The following FBXO34 variants were observed in gnomAD, a reference collection of about 807,000 sequenced individuals.
The protein encoded by FBXO34 is F-box protein 34, also known as F-box only protein 34.
Under a neutral mutation model 24.5 loss-of-function variants are expected in FBXO34, and 12 were observed. That is an observed-to-expected ratio of 0.49 (90% confidence interval 0.31 to 0.79). FBXO34 has a LOEUF of 0.79. FBXO34 is among the 30% of genes least tolerant of loss of function. The pLI is 0.04. For missense variants in FBXO34, 823 were observed against 857.7 expected, an observed-to-expected ratio of 0.96 and a Z score of 0.51; for synonymous variants, 320 against 311.9, an observed-to-expected ratio of 1.03 and a Z score of -0.27.
chr14:55,435,828 G>C, the FBXO34 span: 3 of 1,478,496 alleles, frequency 2.0e-6, no homozygotes. Flanking sequence ...TTATTGGAAG[G>C]AATACTGAGA....
the FBXO34 span, among the ~76,000 whole-genome samples, chr14:55,425,905 T>G: frequency 6.6e-6 from 1 of 152,224 alleles, no homozygotes; most frequent in Non-Finnish European, 1.5e-5. Context: ...TCCTAGCATC[T>G]GCTACATGGT....
chr14:55,367,370 A>G (rs1233517912), exon 3 of FBXO34: 1 of 152,270 alleles, frequency 6.6e-6, no homozygotes, highest in Non-Finnish European at 1.5e-5. Flanking sequence ...TACGAACTCC[A>G]GAACTGGATG....
At chr14:55,311,250 T>C (rs946009258) in intron 1 of FBXO34, among the ~76,000 whole-genome samples, 9 of 152,118 alleles carry the variant, frequency 5.9e-5, no homozygotes, top group Non-Finnish European at 1.2e-4. Flanking sequence ...TCAGATCTCG[T>C]GATAATTCAT....
the FBXO34 span, among the ~76,000 whole-genome samples, chr14:55,391,471 T>TAAAAAAAA: frequency 0.046 from 3,480 of 75,256 alleles, 71 homozygotes; most frequent in Non-Finnish European, 0.078. Flanking sequence ...TGAGACTCCA[T>TAAAAAAAA]AAAAAAAAAA....
intron 1 of FBXO34, among the ~76,000 whole-genome samples, chr14:55,336,373 G>A (rs1178975336): frequency 2.0e-5 from 3 of 152,188 alleles, no homozygotes; most frequent in Non-Finnish European, 4.4e-5. Flanking sequence ...ACAGCCTGGG[G>A]CTCAGTTGGG....
chr14:55,328,847 T>C (rs1270144614), intron 1 of FBXO34, among the ~76,000 whole-genome samples: 1 of 152,000 alleles, frequency 6.6e-6, no homozygotes, highest in Non-Finnish European at 1.5e-5. Context: ...TATGATAGGG[T>C]GTGTGTTTGA....
At chr14:55,331,858 G>T (rs12896021) in intron 1 of FBXO34, among the ~76,000 whole-genome samples, 21,956 of 22,180 alleles carry the variant, frequency 0.99, 10,972 homozygotes, top group Middle Eastern at 1. Flanking sequence ...TACACCACCG[G>T]GGTGTATATA....
the FBXO34 span, among the ~76,000 whole-genome samples, chr14:55,409,003 T>G: frequency 6.6e-6 from 1 of 152,204 alleles, no homozygotes; most frequent in Admixed American, 6.5e-5. Flanking sequence ...ATTATCTTAT[T>G]TACATTTCTA....
intron 1 of FBXO34, among the ~76,000 whole-genome samples, chr14:55,306,471 A>G (rs1036281260): frequency 2.6e-5 from 4 of 152,246 alleles, no homozygotes; most frequent in Non-Finnish European, 4.4e-5. Flanking sequence ...CAGATCCAGT[A>G]TCCAGTGCAT....
At chr14:55,358,767 A>G (rs1287761550) in intron 3 of FBXO34, among the ~76,000 whole-genome samples, 1 of 152,164 alleles carries the variant, frequency 6.6e-6, no homozygotes, top group Non-Finnish European at 1.5e-5. Flanking sequence ...GCACATTAGA[A>G]TCAACTGTGG....
chr14:55,439,617 C>CCCCTCCCG, the FBXO34 span, among the ~76,000 whole-genome samples: 1 of 72,628 alleles, frequency 1.4e-5, no homozygotes, highest in African/African-American at 4.5e-5. Context: ...AAAGCAAACC[C>CCCCTCCCG]CCCCCCGTCT....
At chr14:55,426,538 A>G in the FBXO34 span, among the ~76,000 whole-genome samples, 1 of 152,116 alleles carries the variant, frequency 6.6e-6, no homozygotes, top group East Asian at 1.9e-4. Context: ...GCCTCATGTT[A>G]AAAATTCAAA....
At chr14:55,360,899 G>A (rs2140103464) in intron 3 of FBXO34, among the ~76,000 whole-genome samples, 1 of 152,242 alleles carries the variant, frequency 6.6e-6, no homozygotes, top group South Asian at 2.1e-4. Context: ...TCGGGAGGCT[G>A]AGGCAGGAGA....
At chr14:55,284,225 G>A (rs7155954) in intron 1 of FBXO34, among the ~76,000 whole-genome samples, 45,102 of 151,838 alleles carry the variant, frequency 0.3, 7,076 homozygotes, top group Non-Finnish European at 0.34. Flanking sequence ...AAAAATTACA[G>A]TATATGGGTT....
At chr14:55,282,576 G>A (rs930911286) in intron 1 of FBXO34, 18 of 191,282 alleles carry the variant, frequency 9.4e-5, no homozygotes, top group Non-Finnish European at 1.7e-4. Flanking sequence ...AGGGGCTTGG[G>A]ACACCCTATT....
intron 1 of FBXO34, among the ~76,000 whole-genome samples, chr14:55,318,653 C>T (rs1883023725): frequency 6.6e-6 from 1 of 151,378 alleles, no homozygotes. Context: ...GGCTGAGCTA[C>T]TGTACTGGGC....
intron 3 of FBXO34, among the ~76,000 whole-genome samples, chr14:55,359,532 G>GA (rs1884565607): frequency 6.6e-6 from 1 of 152,218 alleles, no homozygotes; most frequent in South Asian, 2.1e-4. Flanking sequence ...AATCAGCTGT[G>GA]AGTCATAATC....
intron 1 of FBXO34, among the ~76,000 whole-genome samples, chr14:55,327,404 G>T (rs544562707): frequency 5.3e-5 from 8 of 152,312 alleles, no homozygotes; most frequent in Admixed American, 1.3e-4. Flanking sequence ...TGCCTGCGGA[G>T]TTTGAGAGTA....
chr14:55,338,917 AAAAC>A (rs1883889177), intron 1 of FBXO34, among the ~76,000 whole-genome samples: 1 of 132,282 alleles, frequency 7.6e-6, no homozygotes, highest in Non-Finnish European at 1.7e-5. Flanking sequence ...AAAACAAAAA[AAAAC>A]AAAAAAAAAA....
Sources: gnomAD v4.1 joint callset for allele counts (sites outside exome capture counted in the v4.1 genomes callset) on GRCh38, gnomAD v4.1.1 for gene constraint, MANE v1.5 for transcripts, NCBI Gene and HGNC (gene_info 2026-07-23, HGNC 2026-07-21) for gene names.